The following RLF variants were observed in gnomAD, a reference collection of about 807,000 sequenced individuals.
RLF encodes the protein RLF zinc finger, also known as zinc finger protein Rlf.
RLF carries 7 observed loss-of-function variants against 162.9 expected under a neutral mutation model. The observed-to-expected ratio is 0.04, with a 90% CI of 0.02 to 0.08. The LOEUF (loss-of-function observed/expected upper bound fraction) is 0.08. Among genes scored for constraint, RLF ranks in the 10% least tolerant of loss-of-function variants. RLF has a pLI of 1.00. For synonymous variants in RLF, 782 were observed against 791.5 expected (o/e 0.99, Z 0.20); for missense variants, 1,664 against 2,244.7 (o/e 0.74, Z 5.23).
At chr1:40,230,496 A>C (rs1392374059) in intron 6 of RLF, among the ~76,000 whole-genome samples, 1 of 152,026 alleles carries the variant, frequency 6.6e-6, no homozygotes, top group African/African-American at 2.4e-5. Flanking sequence ...CAGTGGCGCT[A>C]TCTCAGCTCA....
intron 1 of RLF, among the ~76,000 whole-genome samples, chr1:40,182,094 A>G (rs1642411156): frequency 6.6e-6 from 1 of 152,196 alleles, no homozygotes; most frequent in East Asian, 1.9e-4. Flanking sequence ...AAATGGAAAG[A>G]CGTTATAGCA....
intron 1 of RLF, among the ~76,000 whole-genome samples, chr1:40,184,277 C>T (rs1029481138): frequency 5.9e-5 from 9 of 152,160 alleles, no homozygotes; most frequent in South Asian, 2.1e-4. Flanking sequence ...TACAGACATA[C>T]GTGATTATAA....
chr1:40,191,883 G>A (rs1642565150), intron 3 of RLF, among the ~76,000 whole-genome samples: 1 of 152,200 alleles, frequency 6.6e-6, no homozygotes, highest in Non-Finnish European at 1.5e-5. Flanking sequence ...CAAATGGGGA[G>A]ACAGGTGAAG....
At position 40,161,900 on chromosome 1, in the gene RLF, C is replaced by G. The variant is rs1642092275; in HGVS notation, c.237+264C>G. On this transcript the variant is annotated intron_variant, in intron 1 of 7. Transcript: ENST00000372771. This position sits in a 1 kb window ranked among gnomAD's most constrained non-coding sequence, Gnocchi z 4.4. ...TGGCGGGTCCCTGGAAGGGCTGTGC[C>G]CTGTCGCCGTTGCCTGTGTCCTGGC... Among the ~76,000 whole-genome samples the G allele has an allele frequency of 1.3e-5, 2 of 152,156 alleles. No individual in the cohort carries two copies. The highest frequency in any genetic ancestry group is 1.3e-4 in the Admixed American group (2 of 15,282).
rs373725615 is a variant in RLF at position 40,211,684 on chromosome 1, T to C, written c.810+9070T>C. Among the ~76,000 whole-genome samples the C allele has an allele frequency of 8.5e-5, 13 of 152,262 alleles. 1 individual carries two copies. The highest frequency in any genetic ancestry group is 3.9e-4 in the East Asian group (2 of 5,188). The stretch of plus-strand genomic sequence containing the variant: ...TTGCCCAAGCTGGAGTGCAATGGCG[T>C]GATATCGGCTCACTGCAACCTCTGC... On this transcript the variant is annotated intron_variant, in intron 5 of 7. Coordinates refer to ENST00000372771, the MANE Select transcript of RLF (RefSeq NM_012421.4).
chr1:40,224,718 G>A (rs61778549), intron 6 of RLF, among the ~76,000 whole-genome samples: 7,183 of 131,708 alleles, frequency 0.055, 574 homozygotes, highest in African/African-American at 0.18. Flanking sequence ...GGCCAGGCAT[G>A]GCTCATGCCT....
At chr1:40,216,956 G>A (rs1252622218) in intron 5 of RLF, among the ~76,000 whole-genome samples, 2 of 152,164 alleles carry the variant, frequency 1.3e-5, no homozygotes, top group Non-Finnish European at 2.9e-5. Context: ...GGAGGCTGAG[G>A]CAGAATTGGA....
At position 40,239,747 on chromosome 1, in the gene RLF, C is replaced by G. The variant is rs1643266827; in HGVS notation, c.5045C>G (p.Ser1682Cys). ...LKCNHSSKTT[S>C]LEQCNIVQPP... ...TGTAATCATAGTTCCAAAACCACTTCCCTAGAACAGTGTAATATAGTTCAG... is the reference window on the plus strand; with the variant it reads ...TGTAATCATAGTTCCAAAACCACTTGCCTAGAACAGTGTAATATAGTTCAG... The change falls in exon 8 of 8, where the codon TCC (serine) becomes TGC (cysteine). Residue 1682 changes from serine (S) to cysteine (C), a missense_variant. Transcript: ENST00000372771. 1 of 1,614,000 alleles carries G rather than the reference C, an allele frequency of 6.2e-7. No individual in the cohort carries two copies. Among genetic ancestry groups the G allele is most frequent in the Admixed American group, 1.7e-5 (1 of 59,994 alleles).
intron 1 of RLF, among the ~76,000 whole-genome samples, chr1:40,184,977 C>T (rs1220396527): frequency 6.6e-6 from 1 of 152,090 alleles, no homozygotes; most frequent in Non-Finnish European, 1.5e-5. Flanking sequence ...TGGCTCACAC[C>T]TGTAATCCCA....
chr1:40,208,106 G>T (rs188970712), intron 5 of RLF, among the ~76,000 whole-genome samples: 193 of 152,310 alleles, frequency 1.3e-3, no homozygotes, highest in African/African-American at 4.5e-3. Context: ...GAAGCACTGT[G>T]GCCTGGTCTT....
Position 40,196,078 on chromosome 1 carries a change from C to CT in RLF, c.607+326dup, listed in dbSNP as rs1048689494. On this transcript the variant is annotated intron_variant, in intron 4 of 7. Transcript: ENST00000372771. ...AGAGCTTTGCTTATACTTTTCTTTTCTTTTTTTTTTTTCCCGAGACGTTGT... is the reference window on the plus strand; with the variant it reads ...AGAGCTTTGCTTATACTTTTCTTTTCTTTTTTTTTTTTTCCCGAGACGTTGT... 4.3e-3 allele frequency among the ~76,000 whole-genome samples: 624 copies of CT among 145,232 alleles called. 12 individuals are homozygous for CT. Among genetic ancestry groups the CT allele is most frequent in the East Asian group, 0.033 (164 of 5,046 alleles).
At chr1:40,172,153 AT>A (rs1216935536) in intron 1 of RLF, among the ~76,000 whole-genome samples, 6 of 151,982 alleles carry the variant, frequency 3.9e-5, no homozygotes, top group African/African-American at 1.2e-4. Flanking sequence ...CTAAAAAAAA[AT>A]TTTTTTTAAA....
intron 1 of RLF, among the ~76,000 whole-genome samples, chr1:40,183,871 G>A (rs1642438493): frequency 6.6e-6 from 1 of 152,166 alleles, no homozygotes; most frequent in Admixed American, 6.5e-5. Context: ...CTCTTAGGAA[G>A]TGCCTAACCC....
At chr1:40,172,685 G>A (rs544121844) in intron 1 of RLF, among the ~76,000 whole-genome samples, 6 of 152,138 alleles carry the variant, frequency 3.9e-5, no homozygotes, top group Non-Finnish European at 1.5e-5. Context: ...AGAATTGGTT[G>A]AACCCAGGAG....
At chr1:40,176,288 G>C (rs987431249) in intron 1 of RLF, among the ~76,000 whole-genome samples, 3 of 152,172 alleles carry the variant, frequency 2.0e-5, no homozygotes, top group African/African-American at 7.2e-5. Flanking sequence ...TCAGATGACA[G>C]GTTTTCCAGA....
At chr1:40,190,256 C>A (rs1019032172) in intron 2 of RLF, among the ~76,000 whole-genome samples, 1 of 152,032 alleles carries the variant, frequency 6.6e-6, no homozygotes, top group Non-Finnish European at 1.5e-5. Flanking sequence ...TATTTCTTTT[C>A]TGTGTCTTCT....
Position 40,212,994 on chromosome 1 carries a change from CCTT to C in RLF, c.811-9576_811-9574del, listed in dbSNP as rs796250462. Among the ~76,000 whole-genome samples the C allele has an allele frequency of 3.7e-4, 57 of 152,298 alleles. 1 individual carries two copies. Among genetic ancestry groups the C allele is most frequent in the Admixed American group, 2.9e-3 (45 of 15,300 alleles). ...AGTTTAAAATATGCCACCTCCACCACCTTCTTTTATGCTAATTGGCTGCCTGTT... is the reference window on the plus strand; with the variant it reads ...AGTTTAAAATATGCCACCTCCACCACCTTTTATGCTAATTGGCTGCCTGTT... On this transcript the variant is annotated intron_variant, in intron 5 of 7. Transcript: ENST00000372771.
chr1:40,240,255 A>G lies in RLF; in HGVS notation c.5553A>G (p.Thr1851=), dbSNP rs748561142. Reference sequence around the variant, plus strand: ...TCCCACCTTTAATAGTAGCTGAAACAACAACAGTTCCTTCCTTGGAAAACC... The same window carrying G: ...TCCCACCTTTAATAGTAGCTGAAACGACAACAGTTCCTTCCTTGGAAAACC... ...TAIPPLIVAE[T]TTVPSLENLR... Residue 1851 remains threonine, a synonymous_variant, in exon 8 of 8, where the codon ACA becomes ACG. Transcript: ENST00000372771. 19 of 1,614,102 alleles carry G rather than the reference A, an allele frequency of 1.2e-5. No homozygotes were observed. Among genetic ancestry groups the G allele is most frequent in the Non-Finnish European group, 1.6e-5 (19 of 1,180,040 alleles).
chr1:40,195,539 C>T, intron 3 of RLF, 93 bp from the exon 4 acceptor site: 1 of 964,944 alleles, frequency 1.0e-6, no homozygotes, highest in Non-Finnish European at 1.5e-6. Flanking sequence ...CAAATAGGTT[C>T]TTTCAATTCC....
Sources: allele counts gnomAD v4.1 joint callset (sites outside exome capture counted in the v4.1 genomes callset), GRCh38; gene constraint gnomAD v4.1.1; non-coding constraint Gnocchi (gnomAD v3.1); transcripts MANE v1.5; gene names NCBI Gene and HGNC (gene_info 2026-07-23, HGNC 2026-07-21).